SLC20A2: variants seen among roughly 807,000 people sequenced by gnomAD.
The protein encoded by SLC20A2 is sodium-dependent phosphate transporter 2.
Under a neutral mutation model 61.0 loss-of-function variants are expected in SLC20A2, and 30 were observed. The ratio of observed to expected loss-of-function variants is 0.49; its 90% CI spans 0.37 to 0.67. SLC20A2 has a LOEUF of 0.67. Ranked by LOEUF, SLC20A2 falls within the 30% of genes least tolerant of loss-of-function variation. The pLI, the probability that SLC20A2 is intolerant of heterozygous loss-of-function variation, is 0.00. For synonymous variants in SLC20A2, 351 were observed against 353.3 expected, an observed-to-expected ratio of 0.99 and a Z score of 0.07; for missense variants, 626 against 866.4, an observed-to-expected ratio of 0.72 and a Z score of 3.48.
intron 1 of SLC20A2, among the ~76,000 whole-genome samples, chr8:42,488,286 A>G (rs1809208013): frequency 7.0e-6 from 1 of 142,146 alleles, no homozygotes; most frequent in Admixed American, 7.6e-5. Context: ...CCCGGGTTCG[A>G]CCGATTCTCC....
chr8:42,452,994 C>G (rs961425804), intron 5 of SLC20A2, among the ~76,000 whole-genome samples: 1 of 152,228 alleles, frequency 6.6e-6, no homozygotes, highest in Admixed American at 6.5e-5. Context: ...CTGAGGCTCC[C>G]CTATTAAACC....
intron 1 of SLC20A2, among the ~76,000 whole-genome samples, chr8:42,539,318 T>G (rs750199622): frequency 2.0e-5 from 3 of 152,198 alleles, no homozygotes; most frequent in Non-Finnish European, 4.4e-5. Context: ...AACCCTACGC[T>G]CATCTCGGAA....
intron 1 of SLC20A2, among the ~76,000 whole-genome samples, chr8:42,533,716 G>A (rs1434181778): frequency 8.0e-6 from 1 of 125,394 alleles, no homozygotes; most frequent in Non-Finnish European, 1.6e-5. Context: ...CTGGAGTGCA[G>A]TGGCGTGATC....
intron 2 of SLC20A2, among the ~76,000 whole-genome samples, chr8:42,471,823 C>A (rs1807660345): frequency 6.6e-6 from 1 of 152,214 alleles, no homozygotes; most frequent in African/African-American, 2.4e-5. Context: ...CTACAAAGGT[C>A]TTTTTCTGTA....
At chr8:42,449,131 G>A (rs117761593) in intron 5 of SLC20A2, among the ~76,000 whole-genome samples, 3,560 of 152,182 alleles carry the variant, frequency 0.023, 46 homozygotes, top group African/African-American at 0.039. Flanking sequence ...TACGGATCTC[G>A]AATTGTTTCC....
intron 5 of SLC20A2, among the ~76,000 whole-genome samples, chr8:42,454,732 T>A (rs574771973): frequency 6.6e-6 from 1 of 151,876 alleles, no homozygotes; most frequent in African/African-American, 2.4e-5. Context: ...ACAATTATTA[T>A]TATTATTATT....
chr8:42,430,902 C>T (rs953850402), intron 8 of SLC20A2, among the ~76,000 whole-genome samples: 1 of 152,128 alleles, frequency 6.6e-6, no homozygotes, highest in Non-Finnish European at 1.5e-5. Flanking sequence ...CCATATGAGA[C>T]GGTGAGCTTC....
In SLC20A2 at chr8:42,416,799, A is replaced by G. The variant is rs766800588; in HGVS notation, c.*1004T>C. 1 of 152,712 alleles carries G rather than the reference A, an allele frequency of 6.5e-6. No homozygotes were observed. The highest frequency in any genetic ancestry group is 1.5e-5 in the Non-Finnish European group (1 of 68,076). 9.5% of individuals were successfully genotyped at this position (152,712 alleles called of 1,614,324 possible). A position where few individuals can be genotyped will look rare whatever the true frequency, so the allele number is the denominator to read the frequency against. ...CCTCCTTTGTGCTGACATTGGAGACAAGGATCCGTTCTTCAGGCTGCAGGG... is the reference window on the plus strand; with the variant it reads ...CCTCCTTTGTGCTGACATTGGAGACGAGGATCCGTTCTTCAGGCTGCAGGG... On this transcript the variant is annotated 3_prime_UTR_variant, in exon 11 of 11. Transcript: ENST00000520262.
intron 1 of SLC20A2, among the ~76,000 whole-genome samples, chr8:42,506,384 G>A (rs890722129): frequency 6.6e-6 from 1 of 152,190 alleles, no homozygotes; most frequent in Non-Finnish European, 1.5e-5. Flanking sequence ...TGGGGATAAT[G>A]TTGCTGACAT....
At chr8:42,517,549 T>C (rs1563542661) in intron 1 of SLC20A2, among the ~76,000 whole-genome samples, 1 of 152,156 alleles carries the variant, frequency 6.6e-6, no homozygotes, top group African/African-American at 2.4e-5. Flanking sequence ...ATGAAAGCCA[T>C]AAAATGTACA....
intron 1 of SLC20A2, among the ~76,000 whole-genome samples, chr8:42,517,846 C>A (rs1811407484): frequency 6.6e-6 from 1 of 152,114 alleles, no homozygotes. Flanking sequence ...AAAACCAAAT[C>A]ATGGATTATA....
intron 2 of SLC20A2, chr8:42,471,244 A>G (rs1482893439): frequency 2.2e-6 from 1 of 456,102 alleles, no homozygotes; most frequent in East Asian, 6.9e-5. Context: ...TGCACTTAAC[A>G]CACGCCTGCC....
chr8:42,434,697 G>T (rs537678997), intron 8 of SLC20A2, among the ~76,000 whole-genome samples: 30 of 152,308 alleles, frequency 2.0e-4, no homozygotes, highest in African/African-American at 7.2e-4. Flanking sequence ...ATGCATGGAC[G>T]CCTCTTCTCA....
intron 1 of SLC20A2, among the ~76,000 whole-genome samples, chr8:42,495,519 T>C (rs1242030246): frequency 6.6e-6 from 1 of 152,152 alleles, no homozygotes; most frequent in Non-Finnish European, 1.5e-5. Flanking sequence ...CAGACACAGA[T>C]GTAGAAAATA....
chr8:42,458,826 A>G (rs1450265705), intron 5 of SLC20A2, among the ~76,000 whole-genome samples: 1 of 149,660 alleles, frequency 6.7e-6, no homozygotes, highest in African/African-American at 2.5e-5. Context: ...GGAGAATGGC[A>G]TGAACCCAGG....
upstream of SLC20A2, among the ~76,000 whole-genome samples, chr8:42,501,726 G>T (rs911359456): frequency 6.6e-6 from 1 of 152,172 alleles, no homozygotes; most frequent in Non-Finnish European, 1.5e-5. Context: ...CCAAGGAGTC[G>T]CTATGAAGAC....
At chr8:42,470,012 C>CTAGAAAAATCT (rs370625233) in intron 2 of SLC20A2, among the ~76,000 whole-genome samples, 3,815 of 151,742 alleles carry the variant, frequency 0.025, 158 homozygotes, top group African/African-American at 0.087. Context: ...ATTTTCCTGA[C>CTAGAAAAATCT]TAGAAAAATC....
chr8:42,442,599 A>C (rs1804868298), intron 6 of SLC20A2, among the ~76,000 whole-genome samples: 1 of 152,220 alleles, frequency 6.6e-6, no homozygotes, highest in Non-Finnish European at 1.5e-5. Context: ...TTGTGGCTTC[A>C]TAACAAGTCG....
At chr8:42,535,923 T>C (rs1563557797) in intron 1 of SLC20A2, among the ~76,000 whole-genome samples, 1 of 152,176 alleles carries the variant, frequency 6.6e-6, no homozygotes, top group Non-Finnish European at 1.5e-5. Flanking sequence ...AATCCAGCTC[T>C]CCAACCCTAA....
Sources: allele counts gnomAD v4.1 joint callset (sites outside exome capture counted in the v4.1 genomes callset), GRCh38; gene constraint gnomAD v4.1.1; transcripts MANE v1.5; gene names NCBI Gene and HGNC (gene_info 2026-07-23, HGNC 2026-07-21).